GLDC: variants seen among roughly 807,000 people sequenced by gnomAD.
GLDC encodes glycine decarboxylase.
In GLDC, 104 loss-of-function variants were observed where a neutral mutation model predicts 121.3. That is an observed-to-expected ratio of 0.86 (90% CI 0.73 to 1.01). The LOEUF is 1.01. Among genes scored for constraint, GLDC ranks in the 50% least tolerant of loss-of-function variants. The pLI is 0.00. For missense variants in GLDC, 1,429 were observed against 1,306.6 expected (o/e 1.09, Z -1.44); for synonymous variants, 546 against 480.6 (o/e 1.14, Z -1.78).
At chr9:6,593,818 G>A (rs750790089) in intron 9 of GLDC, among the ~76,000 whole-genome samples, 3 of 151,088 alleles carry the variant, frequency 2.0e-5, no homozygotes, top group Admixed American at 6.6e-5. Context: ...TCAGCCTCCC[G>A]AGTAGCTGGG....
At chr9:6,562,089 T>C (rs891430447) in intron 16 of GLDC, among the ~76,000 whole-genome samples, 1 of 152,244 alleles carries the variant, frequency 6.6e-6, no homozygotes, top group Non-Finnish European at 1.5e-5. Flanking sequence ...GTTTTTATTT[T>C]TTCGTAAGAT....
In GLDC at chr9:6,589,206, T is replaced by G; in HGVS notation, c.1569A>C (p.Gln523His). ...FKRTSPFLTH[Q>H]VFNSYHSETN... ...CAAGACACACAAACCTGTTGAACACTTGATGGGTGAGGAACGGGCTGGTCC... is the reference window on the plus strand; with the variant it reads ...CAAGACACACAAACCTGTTGAACACGTGATGGGTGAGGAACGGGCTGGTCC... The change falls in exon 12 of 25, where the codon CAA becomes CAC. Residue 523 changes from glutamine to histidine, a missense_variant. Physicochemically the swap from Gln to His is conservative, Grantham distance 24 (BLOSUM62 0). Coordinates refer to ENST00000321612, the MANE Select transcript of GLDC (RefSeq NM_000170.3). 6.3e-7 allele frequency: 1 copy of G among 1,594,496 alleles called. No individual in the cohort carries two copies. The highest frequency in any genetic ancestry group is 1.3e-5 in the African/African-American group (1 of 74,666).
chr9:6,558,516 CCCCAT>C, intron 17 of GLDC, 38 bp downstream of exon 17: 1 of 1,610,782 alleles, frequency 6.2e-7, no homozygotes, highest in Non-Finnish European at 8.5e-7. Context: ...CACCAGCACT[CCCCAT>C]CCCGGCCTCT....
chr9:6,600,927 C>A (rs906833577), intron 8 of GLDC, among the ~76,000 whole-genome samples: 3 of 152,152 alleles, frequency 2.0e-5, no homozygotes, highest in Non-Finnish European at 4.4e-5. Flanking sequence ...GTAATCCCAA[C>A]ACTTTGGGAG....
At chr9:6,565,495 T>G in intron 15 of GLDC, 66 bp from the exon 16 acceptor site, 1 of 1,263,192 alleles carries the variant, frequency 7.9e-7, no homozygotes, top group East Asian at 2.3e-5. Flanking sequence ...CATTCAATAT[T>G]TATTGGGCCC....
intron 6 of GLDC, 25 bp downstream of exon 6, chr9:6,605,106 C>T (rs760037678): frequency 2.5e-6 from 4 of 1,603,512 alleles, no homozygotes; most frequent in Non-Finnish European, 3.4e-6. Context: ...CCTCCACGGA[C>T]CCCCCACAAG....
At chr9:6,617,385 C>A (rs1293255521) in intron 3 of GLDC, among the ~76,000 whole-genome samples, 1 of 152,182 alleles carries the variant, frequency 6.6e-6, no homozygotes, top group Non-Finnish European at 1.5e-5. Context: ...GGTGAATATT[C>A]TTTATGGCCA....
chr9:6,644,029 C>CAAAAA lies in GLDC; in HGVS notation c.334+580_334+584dup, dbSNP rs531081758. On this transcript the variant is annotated intron_variant, in intron 2 of 24. Coordinates refer to ENST00000321612, the MANE Select transcript of GLDC (RefSeq NM_000170.3). ...AGCCTGGGCGACAGAGATTCTGTCTCAAAAAAAAAAAAAAAAAAAAACGAA... is the reference window on the plus strand; with the variant it reads ...AGCCTGGGCGACAGAGATTCTGTCTCAAAAAAAAAAAAAAAAAAAAAAAAAACGAA... Among the ~76,000 whole-genome samples the CAAAAA allele has an allele frequency of 4.9e-4, 9 of 18,306 alleles. 1 individual carries two copies. The highest frequency in any genetic ancestry group is 4.0e-3 in the South Asian group (1 of 248). The allele number at this position is 18,306 out of a possible 152,430, so 12.0% of individuals were successfully genotyped here.
intron 2 of GLDC, among the ~76,000 whole-genome samples, chr9:6,638,841 T>C (rs1819565991): frequency 6.6e-6 from 1 of 151,948 alleles, no homozygotes; most frequent in Non-Finnish European, 1.5e-5. Flanking sequence ...AAACCCCGTC[T>C]CTACTAAAAA....
intron 2 of GLDC, among the ~76,000 whole-genome samples, chr9:6,629,626 C>G (rs1563870000): frequency 7.1e-6 from 1 of 140,624 alleles, no homozygotes; most frequent in African/African-American, 2.7e-5. Context: ...CACACACACA[C>G]ATGCACACAT....
At chr9:6,629,953 A>ATTTTT (rs1208714084) in intron 2 of GLDC, among the ~76,000 whole-genome samples, 17 of 71,718 alleles carry the variant, frequency 2.4e-4, no homozygotes, top group East Asian at 7.7e-4. Context: ...ATGTATATAT[A>ATTTTT]TATATTTTTT....
intron 4 of GLDC, among the ~76,000 whole-genome samples, chr9:6,609,644 C>G (rs1012753032): frequency 6.6e-6 from 1 of 151,834 alleles, no homozygotes; most frequent in Non-Finnish European, 1.5e-5. Flanking sequence ...CCACATCTAT[C>G]CAAAGTCCAC....
At position 6,536,240 on chromosome 9, in the gene GLDC, C is replaced by T; in HGVS notation, c.2666-4G>A. ...GACATGGTAGGGGCGTGAAATCCTG[C>T]AAAGGGAGACAGGAGAACTTGCCTC... is the stretch of plus-strand genomic sequence containing the variant. On this transcript the variant is annotated splice_polypyrimidine_tract_variant and splice_region_variant and intron_variant, in intron 22 of 24. Coordinates refer to ENST00000321612, the MANE Select transcript of GLDC (RefSeq NM_000170.3). 1 of 1,612,580 alleles carries T rather than the reference C, an allele frequency of 6.2e-7. No homozygotes were observed. Among genetic ancestry groups the T allele is most frequent in the Non-Finnish European group, 8.5e-7 (1 of 1,179,318 alleles).
At chr9:6,538,854 G>C (rs867765424) in intron 22 of GLDC, among the ~76,000 whole-genome samples, 7 of 152,188 alleles carry the variant, frequency 4.6e-5, no homozygotes, top group Non-Finnish European at 1.0e-4. Flanking sequence ...GAGTTCTACT[G>C]TCAGGTTACA....
chr9:6,574,466 C>G, intron 15 of GLDC, among the ~76,000 whole-genome samples: 1 of 117,582 alleles, frequency 8.5e-6, no homozygotes, highest in Non-Finnish European at 1.8e-5. Context: ...GACTCCGTCT[C>G]AAAAAAAAAA....
At position 6,641,846 on chromosome 9, in the gene GLDC, T is replaced by C. The variant is rs186027447; in HGVS notation, c.334+2768A>G. ...AACTAGCTCTCACTACAGTTTTCTC[T>C]GTACATGGCAAATAAATATTTAATC... On this transcript the variant is annotated intron_variant, in intron 2 of 24. Coordinates refer to ENST00000321612, the MANE Select transcript of GLDC (RefSeq NM_000170.3). 6.8e-3 allele frequency among the ~76,000 whole-genome samples: 1,039 copies of C among 152,336 alleles called. 17 individuals carry two copies. Among genetic ancestry groups the C allele is most frequent in the Non-Finnish European group, 6.8e-3 (461 of 68,032 alleles).
chr9:6,644,487 G>C, intron 2 of GLDC, 127 bp downstream of exon 2: 2 of 728,962 alleles, frequency 2.7e-6, no homozygotes, highest in Non-Finnish European at 4.9e-6. Flanking sequence ...ACCCGCCACT[G>C]TTTTATTTTA....
intron 15 of GLDC, among the ~76,000 whole-genome samples, chr9:6,580,415 A>G (rs948667857): frequency 6.6e-6 from 1 of 152,196 alleles, no homozygotes; most frequent in Admixed American, 6.5e-5. Context: ...CGGAACCAAC[A>G]AGGCTGGAAG....
chr9:6,634,501 C>A (rs1819458540), intron 2 of GLDC, among the ~76,000 whole-genome samples: 1 of 151,702 alleles, frequency 6.6e-6, no homozygotes, highest in African/African-American at 2.4e-5. Flanking sequence ...CGCACTTGAG[C>A]CTAGGTGACA....
Sources: allele counts gnomAD v4.1 joint callset (sites outside exome capture counted in the v4.1 genomes callset), GRCh38; gene constraint gnomAD v4.1.1; transcripts MANE v1.5; gene names NCBI Gene and HGNC (gene_info 2026-07-23, HGNC 2026-07-21).